Variants in CBLIF observed in about 807,000 individuals in gnomAD.
CBLIF encodes cobalamin binding intrinsic factor.
In CBLIF, 24 loss-of-function variants were observed where a neutral mutation model predicts 44.9. The ratio of observed to expected loss-of-function variants is 0.53; its 90% CI spans 0.39 to 0.75. The LOEUF is 0.75. CBLIF is among the 30% of genes least tolerant of loss of function. The probability of loss-of-function intolerance (pLI) is 0.00; values close to 1 mark genes in which losing one functional copy is unlikely to be tolerated. For synonymous variants in CBLIF, 183 were observed against 190.9 expected (o/e 0.96, Z 0.34); for missense variants, 481 against 513.0 (o/e 0.94, Z 0.60).
rs1315735347 is a variant in CBLIF, at chr11:59,829,477, C to T, written c.*7G>A. On this transcript the variant is annotated 3_prime_UTR_variant, in exon 9 of 9. Coordinates refer to ENST00000257248, the MANE Select transcript of CBLIF (RefSeq NM_005142.3). Reference sequence around the variant, plus strand: ...GATGTTTGATAGAAGCTGAACCCACCTCTTCGTTAGTACTGTGTGAAATTG... The same window carrying T: ...GATGTTTGATAGAAGCTGAACCCACTTCTTCGTTAGTACTGTGTGAAATTG... 1 of 1,590,478 alleles carries T rather than the reference C, an allele frequency of 6.3e-7. No homozygotes were observed. Among genetic ancestry groups the T allele is most frequent in the Non-Finnish European group, 8.6e-7 (1 of 1,158,338 alleles).
chr11:59,838,270 C>A (rs1368756052), intron 5 of CBLIF, among the ~76,000 whole-genome samples: 1 of 152,106 alleles, frequency 6.6e-6, no homozygotes, highest in Non-Finnish European at 1.5e-5. Context: ...CGTTATCTAT[C>A]GCATGAATAA....
chr11:59,838,958 C>T (rs1266457397), intron 5 of CBLIF, among the ~76,000 whole-genome samples: 1 of 150,314 alleles, frequency 6.7e-6, no homozygotes, highest in Non-Finnish European at 1.5e-5. Flanking sequence ...AAGTGATTCT[C>T]CTGCCTCAGC....
chr11:59,842,450 G>T lies in CBLIF; in HGVS notation c.504C>A (p.Phe168Leu). Residue 168 changes from phenylalanine (F) to leucine (L), a missense_variant, in exon 4 of 9, where the codon TTC becomes TTA. Phe to Leu is a conservative substitution (Grantham distance 22). Transcript: ENST00000257248. ...TAGTGGTGACCTACTCACCTACATT[G>T]AAGGGAGAGGAGTTGGCCAGCAGGG... ...AKTLLANSSP[F>L]NVDTGAMATL... The T allele has an allele frequency of 6.2e-7, 1 of 1,613,704 alleles. No individual in the cohort carries two copies. The highest frequency in any genetic ancestry group is 8.5e-7 in the Non-Finnish European group (1 of 1,180,018).
chr11:59,840,609 T>C (rs149720927), intron 5 of CBLIF, among the ~76,000 whole-genome samples: 280 of 152,290 alleles, frequency 1.8e-3, no homozygotes, highest in African/African-American at 6.3e-3. Flanking sequence ...GGCTGACAGA[T>C]AGATCTGCTT....
intron 5 of CBLIF, chr11:59,840,934 T>C: frequency 1.8e-6 from 1 of 566,914 alleles, no homozygotes; most frequent in Non-Finnish European, 3.2e-6. Context: ...TATAGATTTG[T>C]TTTCACACTT....
At position 59,831,692 on chromosome 11, in the gene CBLIF, G is replaced by C; in HGVS notation, c.1178C>G (p.Thr393Arg). The change falls in exon 8 of 9, where the codon ACA becomes AGA. Residue 393 changes from threonine to arginine, a missense_variant. Thr to Arg is a moderately conservative substitution (Grantham distance 71, BLOSUM62 -1). Transcript: ENST00000257248. ...KTYWQFLSGV[T>R]PLNEGVADYI... ...TCTTCCCTCACCTTCATTCAAAGGT[G>C]TTACACCACTAAGAAACTGCCAGTA... 6.7e-7 allele frequency: 1 copy of C among 1,491,070 alleles called. No homozygotes were observed. The highest frequency in any genetic ancestry group is 9.4e-7 in the Non-Finnish European group (1 of 1,067,830). The allele number at this position is 1,491,070 out of a possible 1,614,324, so 92.4% of individuals were successfully genotyped here.
chr11:59,833,517 CAAA>C lies in CBLIF; in HGVS notation c.1074-1724_1074-1722del, dbSNP rs111251888. On this transcript the variant is annotated intron_variant, in intron 7 of 8. Transcript: ENST00000257248. ...GGGTGACAAGAGCAAAACTCTGTCT[CAAA>C]AAAAAAAAAAAAATTAAATAGTTTT... Among the ~76,000 whole-genome samples the C allele has an allele frequency of 1.0e-4, 11 of 108,580 alleles. No homozygotes were observed. The East Asian group carries it at 2.4e-3, about 24-fold the overall frequency. The allele number at this position is 108,580 out of a possible 152,430, so 71.2% of individuals were successfully genotyped here.
chr11:59,835,656 G>C (rs1427100363), intron 7 of CBLIF, 152 bp downstream of exon 7: 1 of 710,082 alleles, frequency 1.4e-6, no homozygotes, highest in Non-Finnish European at 2.5e-6. Flanking sequence ...TTTCATGAGA[G>C]CCTTACCTAT....
At position 59,837,160 on chromosome 11, in the gene CBLIF, G is replaced by C. The variant is rs769027647; in HGVS notation, c.871+14C>G. On this transcript the variant is annotated intron_variant, in intron 6 of 8. Coordinates refer to ENST00000257248, the MANE Select transcript of CBLIF (RefSeq NM_005142.3). ...GTTGCTGCTTTATGACATAAGGAGA[G>C]GTGGATGTCTTACCAGGACTACAAG... 5 of 1,600,168 alleles carry C rather than the reference G, an allele frequency of 3.1e-6. No individual in the cohort carries two copies. The highest frequency in any genetic ancestry group is 3.4e-6 in the Non-Finnish European group (4 of 1,167,310).
chr11:59,835,723 A>C (rs1211196172), intron 7 of CBLIF, 85 bp downstream of exon 7: 1 of 1,143,240 alleles, frequency 8.7e-7, no homozygotes, highest in East Asian at 2.3e-5. Context: ...ATCAAAAGGA[A>C]AAAAATTAGG....
chr11:59,837,439 A>G lies in CBLIF; in HGVS notation c.694-88T>C, dbSNP rs1033801594. 1.8e-5 allele frequency: 18 copies of G among 973,708 alleles called. No homozygotes were observed. The Admixed American group carries it at 3.0e-4, about 16-fold the overall frequency. 60.3% of individuals were successfully genotyped at this position (973,708 alleles called of 1,614,324 possible). A position where few individuals can be genotyped will look rare whatever the true frequency, so the allele number is the denominator to read the frequency against. On this transcript the variant is annotated intron_variant, in intron 5 of 8. Transcript: ENST00000257248. ...CATGTCTTAAGAGATAAACTTGATC[A>G]CTAATCATGGTGATCACGTAGTCAC...
intron 8 of CBLIF, chr11:59,831,471 T>C (rs1866372830): frequency 4.7e-6 from 1 of 212,724 alleles, no homozygotes; most frequent in African/African-American, 2.4e-5. Context: ...TCTTTCTCTA[T>C]GTAATGATTA....
intron 1 of CBLIF, among the ~76,000 whole-genome samples, chr11:59,844,452 T>TA (rs376949721): frequency 1.3e-3 from 194 of 152,248 alleles, no homozygotes; most frequent in African/African-American, 4.3e-3. Flanking sequence ...TTGATGCCTT[T>TA]TAGGAGAACA....
At chr11:59,840,815 G>A (rs184610121) in intron 5 of CBLIF, among the ~76,000 whole-genome samples, 6 of 152,146 alleles carry the variant, frequency 3.9e-5, no homozygotes, top group Admixed American at 3.3e-4. Flanking sequence ...CATCAAAATT[G>A]TAATAGTCTG....
chr11:59,844,101 T>C, intron 1 of CBLIF, 46 bp from the exon 2 acceptor site: 1 of 1,418,536 alleles, frequency 7.0e-7, no homozygotes, highest in South Asian at 1.1e-5. Flanking sequence ...CCTCATTCCT[T>C]CTCAAAAACA....
In CBLIF at chr11:59,844,029, C is replaced by T. The variant is rs751628349; in HGVS notation, c.106G>A (p.Val36Ile). The change falls in exon 2 of 9, where the codon GTC (valine) becomes ATC (isoleucine). Residue 36 changes from valine to isoleucine, a missense_variant. By Grantham distance (29) the Val-to-Ile change is conservative (BLOSUM62 3). Transcript: ENST00000257248. ...CSVPSAQEPL[V>I]NGIQVLMENS... ...TCCATGAGTACTTGTATTCCATTGA[C>T]CAAGGGCTCCTGTGCTGAGGGAACG... 6 of 1,613,940 alleles carry T rather than the reference C, an allele frequency of 3.7e-6. No homozygotes were observed. Among genetic ancestry groups the T allele is most frequent in the Non-Finnish European group, 5.1e-6 (6 of 1,179,856 alleles).
chr11:59,829,572 G>A, intron 8 of CBLIF, 27 bp from the exon 9 acceptor site: 2 of 1,444,472 alleles, frequency 1.4e-6, no homozygotes, highest in Non-Finnish European at 2.0e-6. Flanking sequence ...AATAACATGA[G>A]GTGACTGTGG....
intron 6 of CBLIF, 130 bp from the exon 7 acceptor site, chr11:59,836,139 A>G: frequency 1.3e-6 from 1 of 776,568 alleles, no homozygotes; most frequent in South Asian, 1.4e-5. Flanking sequence ...CCATTTAACA[A>G]AGTACTTGGA....
At chr11:59,834,540 G>A (rs1225566314) in intron 7 of CBLIF, among the ~76,000 whole-genome samples, 1 of 150,962 alleles carries the variant, frequency 6.6e-6, no homozygotes, top group East Asian at 2.0e-4. Flanking sequence ...CCACAGGCAC[G>A]CACCACCACG....
Sources: allele counts gnomAD v4.1 joint callset (sites outside exome capture counted in the v4.1 genomes callset), GRCh38; gene constraint gnomAD v4.1.1; transcripts MANE v1.5; gene names NCBI Gene and HGNC (gene_info 2026-07-23, HGNC 2026-07-21).